Variants in ATP8A2 observed in about 807,000 individuals in gnomAD.
The protein encoded by ATP8A2 is phospholipid-transporting ATPase IB.
Under a neutral mutation model 165.6 loss-of-function variants are expected in ATP8A2, and 100 were observed. The observed-to-expected ratio is 0.60, with a 90% CI of 0.51 to 0.71. The LOEUF (loss-of-function observed/expected upper bound fraction) is 0.71, where lower values mean the gene tolerates loss of function less well. ATP8A2 is among the 30% of genes least tolerant of loss of function. The pLI, the probability that ATP8A2 is intolerant of heterozygous loss-of-function variation, is 0.00. For missense variants in ATP8A2, 1,227 were observed against 1,479.5 expected, an observed-to-expected ratio of 0.83 and a Z score of 2.80; for synonymous variants, 543 against 548.8, an observed-to-expected ratio of 0.99 and a Z score of 0.15.
intron 27 of ATP8A2, among the ~76,000 whole-genome samples, chr13:25,810,579 T>C (rs1213455184): frequency 6.6e-6 from 1 of 152,106 alleles, no homozygotes; most frequent in African/African-American, 2.4e-5. Flanking sequence ...GTACTCAATA[T>C]TTAATAAAAA....
At position 25,959,347 on chromosome 13, in the gene ATP8A2, A is replaced by G. The variant is rs113240084; in HGVS notation, c.3184-2228A>G. ...CTGGTTTCCATATACCGTTCCATGC[A>G]TTGTTCCTGAGCATGTAAGCATGCC... On this transcript the variant is annotated intron_variant, in intron 33 of 36. Coordinates refer to ENST00000381655, the MANE Select transcript of ATP8A2 (RefSeq NM_016529.6). 8.0e-3 allele frequency among the ~76,000 whole-genome samples: 1,217 copies of G among 152,280 alleles called. 6 individuals carry two copies. Among genetic ancestry groups the G allele is most frequent in the Non-Finnish European group, 0.012 (818 of 68,032 alleles).
At chr13:26,003,839 G>T (rs1014690344) in intron 35 of ATP8A2, among the ~76,000 whole-genome samples, 1 of 152,026 alleles carries the variant, frequency 6.6e-6, no homozygotes, top group Non-Finnish European at 1.5e-5. Context: ...AAATGTACGG[G>T]TTTATTTCTG....
intron 24 of ATP8A2, among the ~76,000 whole-genome samples, chr13:25,696,635 C>T (rs1273052734): frequency 6.6e-6 from 1 of 152,186 alleles, no homozygotes; most frequent in Non-Finnish European, 1.5e-5. Context: ...AGACTTAACA[C>T]AGCTCCCTCA....
At chr13:25,431,395 C>T (rs572082457) in intron 1 of ATP8A2, among the ~76,000 whole-genome samples, 4 of 152,232 alleles carry the variant, frequency 2.6e-5, no homozygotes, top group Non-Finnish European at 4.4e-5. Flanking sequence ...GTGGTCAGCT[C>T]GCCTCAGCCT....
intron 6 of ATP8A2, chr13:25,534,188 C>T (rs775590715): frequency 3.6e-5 from 19 of 532,726 alleles, no homozygotes; most frequent in Admixed American, 1.7e-4. Context: ...TAGGAGAATT[C>T]GCCACCCTTT....
rs1469828700 is a variant in ATP8A2, at chr13:25,589,690, C to T, written c.2202C>T (p.Asp734=). The T allele has an allele frequency of 1.2e-6, 2 of 1,606,708 alleles. No homozygotes were observed. The highest frequency in any genetic ancestry group is 2.2e-5 in the East Asian group (1 of 44,722). The part of the protein sequence containing the change: ...QNMALILLKE[D]SLDATRAAIT... ...TGGCCCTTATCCTATTGAAGGAGGA[C>T]TCTTTGGATGTAAGTAGTTTTTCAA... The change falls in exon 24 of 37, where the codon GAC becomes GAT. Residue 734 remains aspartate (D), a synonymous_variant. Coordinates refer to ENST00000381655, the MANE Select transcript of ATP8A2 (RefSeq NM_016529.6).
At chr13:25,924,438 C>A (rs1035823869) in intron 33 of ATP8A2, among the ~76,000 whole-genome samples, 2 of 152,112 alleles carry the variant, frequency 1.3e-5, no homozygotes, top group African/African-American at 4.8e-5. Context: ...AGAAGCATCA[C>A]CCTGATTTTT....
At chr13:25,769,255 C>T (rs750924566) in intron 26 of ATP8A2, 26 bp downstream of exon 26, 5 of 1,593,118 alleles carry the variant, frequency 3.1e-6, no homozygotes, top group Admixed American at 1.7e-5. Flanking sequence ...GTCCAGCTGC[C>T]CTGTCCTGTT....
chr13:25,952,841 A>G (rs1242750177), intron 33 of ATP8A2, among the ~76,000 whole-genome samples: 1 of 152,222 alleles, frequency 6.6e-6, no homozygotes, highest in African/African-American at 2.4e-5. Context: ...CACCCTGAGC[A>G]AATAGGTTTG....
intron 33 of ATP8A2, among the ~76,000 whole-genome samples, chr13:25,881,251 C>A (rs1952970878): frequency 6.7e-6 from 1 of 148,386 alleles, no homozygotes; most frequent in African/African-American, 2.4e-5. Flanking sequence ...CACAGGAGAT[C>A]TGCTGGTTTC....
rs568137186 is a variant in ATP8A2 at position 25,517,856 on chromosome 13, G to A, written c.222-12143G>A. 7.2e-5 allele frequency among the ~76,000 whole-genome samples: 11 copies of A among 152,324 alleles called. No homozygotes were observed. The East Asian group carries it at 1.7e-3, about 24-fold the overall frequency. On this transcript the variant is annotated intron_variant, in intron 2 of 36. Transcript: ENST00000381655. ...TTCAGTAGTTTAGCATTAATAAAATGAAGTGAAAATTTCTTGTAAGGTGCT... is the reference window on the plus strand; with the variant it reads ...TTCAGTAGTTTAGCATTAATAAAATAAAGTGAAAATTTCTTGTAAGGTGCT...
chr13:25,934,246 A>G (rs1316165815), intron 33 of ATP8A2, among the ~76,000 whole-genome samples: 3 of 152,190 alleles, frequency 2.0e-5, no homozygotes, highest in Non-Finnish European at 2.9e-5. Flanking sequence ...GCTGTGTAGA[A>G]AACAGCTTCC....
intron 24 of ATP8A2, among the ~76,000 whole-genome samples, chr13:25,638,300 A>G (rs1043095177): frequency 1.3e-5 from 2 of 152,306 alleles, no homozygotes; most frequent in Middle Eastern, 3.4e-3. Flanking sequence ...CAGACGATCA[A>G]ACTTCTCCAA....
intron 1 of ATP8A2, among the ~76,000 whole-genome samples, chr13:25,459,383 G>A (rs892995215): frequency 1.3e-5 from 2 of 152,196 alleles, no homozygotes; most frequent in Non-Finnish European, 2.9e-5. Flanking sequence ...GACAGAATGC[G>A]AAATTTTGTG....
intron 33 of ATP8A2, among the ~76,000 whole-genome samples, chr13:25,889,458 G>C (rs1264160328): frequency 6.6e-6 from 1 of 152,014 alleles, no homozygotes; most frequent in Admixed American, 6.6e-5. Context: ...ACTCAGAGAT[G>C]TGGTTTGGTC....
chr13:25,424,421 T>C (rs1297414647), intron 1 of ATP8A2, among the ~76,000 whole-genome samples: 1 of 152,154 alleles, frequency 6.6e-6, no homozygotes, highest in Non-Finnish European at 1.5e-5. Flanking sequence ...CACCTTCCAA[T>C]ATAGGAGGAA....
chr13:25,803,331 A>T (rs992772003), intron 27 of ATP8A2, among the ~76,000 whole-genome samples: 1 of 152,220 alleles, frequency 6.6e-6, no homozygotes, highest in African/African-American at 2.4e-5. Flanking sequence ...AAACGAGTTT[A>T]ATATAAACTC....
intron 24 of ATP8A2, among the ~76,000 whole-genome samples, chr13:25,623,793 A>G (rs1226706733): frequency 6.6e-6 from 1 of 152,136 alleles, no homozygotes; most frequent in Non-Finnish European, 1.5e-5. Flanking sequence ...ATATAGAGAT[A>G]TATATGCATA....
In ATP8A2 at chr13:25,954,161, C is replaced by T. The variant is rs147162005; in HGVS notation, c.3184-7414C>T. ...CTGAAGTTGACCTGGGACACTCGAGCTTGGTTAGGGGAGGTGCGTCCACCA... is the reference window on the plus strand; with the variant it reads ...CTGAAGTTGACCTGGGACACTCGAGTTTGGTTAGGGGAGGTGCGTCCACCA... On this transcript the variant is annotated intron_variant, in intron 33 of 36. Transcript: ENST00000381655. Among the ~76,000 whole-genome samples the T allele has an allele frequency of 4.6e-5, 7 of 152,290 alleles. No individual in the cohort carries two copies. In the East Asian group the frequency reaches 1.4e-3, roughly 29 times the overall value.
Sources: gnomAD v4.1 joint callset for allele counts (sites outside exome capture counted in the v4.1 genomes callset) on GRCh38, gnomAD v4.1.1 for gene constraint, MANE v1.5 for transcripts, NCBI Gene and HGNC (gene_info 2026-07-23, HGNC 2026-07-21) for gene names.